CD274: variants seen among roughly 807,000 people sequenced by gnomAD.
CD274 encodes CD274 molecule.
In CD274, 8 loss-of-function variants were observed where a neutral mutation model predicts 30.1. That is an observed-to-expected ratio of 0.27 (90% CI 0.16 to 0.48). CD274 has a LOEUF of 0.48. CD274 is among the 20% of genes least tolerant of loss of function. The probability of loss-of-function intolerance (pLI) is 0.99; values close to 1 mark genes in which losing one functional copy is unlikely to be tolerated. For synonymous variants in CD274, 152 were observed against 124.6 expected (o/e 1.22, Z -1.46); for missense variants, 353 against 346.6 (o/e 1.02, Z -0.15).
intron 3 of CD274, among the ~76,000 whole-genome samples, chr9:5,460,898 T>C (rs939141425): frequency 6.6e-6 from 1 of 152,214 alleles, no homozygotes; most frequent in African/African-American, 2.4e-5. Flanking sequence ...AGTTGTATCA[T>C]AAGAAACTGC....
chr9:5,456,636 A>G (rs545251686), intron 2 of CD274, among the ~76,000 whole-genome samples: 9 of 152,302 alleles, frequency 5.9e-5, no homozygotes, highest in African/African-American at 2.2e-4. Context: ...CTCCATACCA[A>G]TGTACTTCTT....
In CD274 at chr9:5,470,122, T is replaced by G; in HGVS notation, c.*2260T>G. On this transcript the variant is annotated 3_prime_UTR_variant, in exon 7 of 7. Coordinates refer to ENST00000381577, the MANE Select transcript of CD274 (RefSeq NM_014143.4). ...CAGAGTTTCCTTTCCCTCTTGGCCA[T>G]ATTCTGGTGTCAATGACAAGGAGTA... The G allele has an allele frequency of 4.3e-6, 1 of 231,244 alleles. No individual in the cohort carries two copies. Among genetic ancestry groups the G allele is most frequent in the Non-Finnish European group, 8.6e-6 (1 of 116,718 alleles). 14.3% of individuals were successfully genotyped at this position (231,244 alleles called of 1,614,324 possible).
intron 6 of CD274, 56 bp downstream of exon 6, chr9:5,466,885 G>T: frequency 7.6e-7 from 1 of 1,309,100 alleles, no homozygotes; most frequent in Non-Finnish European, 1.1e-6. Flanking sequence ...AAAAGCTAAA[G>T]CAATAACAAA....
At chr9:5,456,194 C>G (rs377318970) in intron 2 of CD274, 29 bp downstream of exon 2, 7 of 1,460,464 alleles carry the variant, frequency 4.8e-6, no homozygotes, top group Non-Finnish European at 5.7e-6. Flanking sequence ...CCATTAGGTT[C>G]TATATTTTAA....
Position 5,468,518 on chromosome 9 carries a change from G to A in CD274, c.*656G>A, listed in dbSNP as rs1260307674. 4 of 232,826 alleles carry A rather than the reference G, an allele frequency of 1.7e-5. No individual in the cohort carries two copies. Among genetic ancestry groups the A allele is most frequent in the Non-Finnish European group, 3.4e-5 (4 of 117,848 alleles). The allele number at this position is 232,826 out of a possible 1,614,324, so 14.4% of individuals were successfully genotyped here. ...CTATAACTACAAGTATACATTGGAA[G>A]CATAAAGATCAAACCGTTGGTTGCA... On this transcript the variant is annotated 3_prime_UTR_variant, in exon 7 of 7. Transcript: ENST00000381577.
At chr9:5,467,186 C>T (rs1394887796) in intron 6 of CD274, among the ~76,000 whole-genome samples, 3 of 136,480 alleles carry the variant, frequency 2.2e-5, no homozygotes, top group African/African-American at 8.5e-5. Context: ...TAATCCCCCA[C>T]CCCTTGCCAT....
chr9:5,463,388 G>A (rs1235494443), intron 4 of CD274: 2 of 441,240 alleles, frequency 4.5e-6, no homozygotes, highest in East Asian at 7.4e-5. Context: ...ATAAGACTCA[G>A]TTCACACTCT....
intron 3 of CD274, among the ~76,000 whole-genome samples, chr9:5,457,846 T>G (rs1819334441): frequency 6.6e-6 from 1 of 152,220 alleles, no homozygotes; most frequent in African/African-American, 2.4e-5. Flanking sequence ...ATTTTTTTAT[T>G]CAACTACTAT....
intron 1 of CD274, among the ~76,000 whole-genome samples, chr9:5,453,732 A>T (rs752625066): frequency 2.0e-5 from 3 of 152,240 alleles, no homozygotes; most frequent in Non-Finnish European, 2.9e-5. Flanking sequence ...AAATTGAAAG[A>T]TATACACTGA....
At chr9:5,459,917 G>A (rs1819374578) in intron 3 of CD274, among the ~76,000 whole-genome samples, 3 of 151,702 alleles carry the variant, frequency 2.0e-5, no homozygotes, top group Non-Finnish European at 4.4e-5. Flanking sequence ...AAAATTCCCA[G>A]CCCTGTTTAA....
rs1819522240 is a variant in CD274 at position 5,467,837 on chromosome 9, C to G, written c.851-3C>G. 1 of 1,607,170 alleles carries G rather than the reference C, an allele frequency of 6.2e-7. No individual in the cohort carries two copies. The highest frequency in any genetic ancestry group is 8.5e-7 in the Non-Finnish European group (1 of 1,173,716). On this transcript the variant is annotated splice_polypyrimidine_tract_variant and splice_region_variant and intron_variant, in intron 6 of 6. Coordinates refer to ENST00000381577, the MANE Select transcript of CD274 (RefSeq NM_014143.4). ...AAATTAATATACTATTATCACTCTC[C>G]AGATACACATTTGGAGGAGACGTAA... is the stretch of plus-strand genomic sequence containing the variant.
chr9:5,461,506 T>C (rs1819404114), intron 3 of CD274, among the ~76,000 whole-genome samples: 1 of 152,154 alleles, frequency 6.6e-6, no homozygotes, highest in Admixed American at 6.5e-5. Context: ...TCATTATTTA[T>C]TTCAGTTTCA....
chr9:5,457,299 G>C lies in CD274; in HGVS notation c.273G>C (p.Gln91His), dbSNP rs1819322750. The C allele has an allele frequency of 1.2e-6, 2 of 1,614,056 alleles. No homozygotes were observed. Among genetic ancestry groups the C allele is most frequent in the South Asian group, 1.1e-5 (1 of 91,084 alleles). ...YRQRARLLKDQLSLGNAALQI... is the reference protein window; with the variant it reads ...YRQRARLLKDHLSLGNAALQI... ...AGAGGGCCCGGCTGTTGAAGGACCA[G>C]CTCTCCCTGGGAAATGCTGCACTTC... The change falls in exon 3 of 7, where the codon CAG (glutamine) becomes CAC (histidine). Residue 91 changes from glutamine to histidine, a missense_variant. Coordinates refer to ENST00000381577, the MANE Select transcript of CD274 (RefSeq NM_014143.4).
chr9:5,454,085 G>A (rs1234338404), intron 1 of CD274, among the ~76,000 whole-genome samples: 1 of 152,134 alleles, frequency 6.6e-6, no homozygotes, highest in African/African-American at 2.4e-5. Context: ...ACGTCAGTTT[G>A]GATGTTTGGA....
chr9:5,470,204 G>C lies in CD274; in HGVS notation c.*2342G>C. The stretch of plus-strand genomic sequence containing the variant: ...AACAGTGTCTCCAACAGAGCTCCTT[G>C]TGTTATCTGTTTGTACATGTGCATT... On this transcript the variant is annotated 3_prime_UTR_variant, in exon 7 of 7. Coordinates refer to ENST00000381577, the MANE Select transcript of CD274 (RefSeq NM_014143.4). The C allele has an allele frequency of 4.3e-6, 1 of 232,900 alleles. No individual in the cohort carries two copies. The allele number at this position is 232,900 out of a possible 1,614,324, so 14.4% of individuals were successfully genotyped here. A position where few individuals can be genotyped will look rare whatever the true frequency, so the allele number is the denominator to read the frequency against.
intron 3 of CD274, among the ~76,000 whole-genome samples, chr9:5,461,000 T>C (rs1378337143): frequency 3.3e-5 from 5 of 152,182 alleles, no homozygotes; most frequent in African/African-American, 9.6e-5. Context: ...TTTTAAGAGG[T>C]TGAAATAAAA....
At chr9:5,456,485 G>T (rs11998953) in intron 2 of CD274, among the ~76,000 whole-genome samples, 1 of 152,118 alleles carries the variant, frequency 6.6e-6, no homozygotes, top group Non-Finnish European at 1.5e-5. Context: ...CTTTCAACAA[G>T]GCCAAGATCC....
In CD274 at chr9:5,457,279, G is replaced by T. The variant is rs1402214489; in HGVS notation, c.253G>T (p.Ala85Ser). Residue 85 changes from alanine (A) to serine (S), a missense_variant, in exon 3 of 7, where the codon GCC becomes TCC. Coordinates refer to ENST00000381577, the MANE Select transcript of CD274 (RefSeq NM_014143.4). The part of the protein sequence containing the change: ...KVQHSSYRQR[A>S]RLLKDQLSLG... ...TCAGCATAGTAGCTACAGACAGAGGGCCCGGCTGTTGAAGGACCAGCTCTC... is the reference window on the plus strand; with the variant it reads ...TCAGCATAGTAGCTACAGACAGAGGTCCCGGCTGTTGAAGGACCAGCTCTC... The T allele has an allele frequency of 6.2e-7, 1 of 1,614,008 alleles. No homozygotes were observed. Among genetic ancestry groups the T allele is most frequent in the Non-Finnish European group, 8.5e-7 (1 of 1,179,932 alleles).
rs368415252 is a variant in CD274, at chr9:5,464,747, G to A, written c.683-752G>A. ...TGGTTGGCCTTCCATGTTCTACTGT[G>A]GGCCATCTCTGCCATGTACTGTAGG... On this transcript the variant is annotated intron_variant, in intron 4 of 6. Transcript: ENST00000381577. Among the ~76,000 whole-genome samples, 10 of 152,260 alleles carry A rather than the reference G, an allele frequency of 6.6e-5. No homozygotes were observed. The East Asian group carries it at 1.7e-3, about 26-fold the overall frequency.
Sources: allele counts gnomAD v4.1 joint callset (sites outside exome capture counted in the v4.1 genomes callset), GRCh38; gene constraint gnomAD v4.1.1; transcripts MANE v1.5; gene names NCBI Gene and HGNC (gene_info 2026-07-23, HGNC 2026-07-21).